The following PACS1 variants were observed in gnomAD, a reference collection of about 807,000 sequenced individuals.
PACS1 encodes phosphofurin acidic cluster sorting protein 1, also known as PACS-1.
A neutral mutation model predicts 115.0 loss-of-function variants in PACS1; 24 were observed. That is an observed-to-expected ratio of 0.21 (90% CI 0.15 to 0.29). The LOEUF (loss-of-function observed/expected upper bound fraction) is 0.29. Ranked by LOEUF, PACS1 falls within the 10% of genes least tolerant of loss-of-function variation. The probability of loss-of-function intolerance (pLI) is 1.00; values close to 1 mark genes in which losing one functional copy is unlikely to be tolerated. For synonymous variants in PACS1, 453 were observed against 504.5 expected, an observed-to-expected ratio of 0.90 and a Z score of 1.37; for missense variants, 838 against 1,251.2, an observed-to-expected ratio of 0.67 and a Z score of 4.98.
intron 1 of PACS1, among the ~76,000 whole-genome samples, chr11:66,137,279 T>C (rs2134587993): frequency 6.6e-6 from 1 of 152,264 alleles, no homozygotes; most frequent in African/African-American, 2.4e-5. Flanking sequence ...TGTGTGTGTG[T>C]ACTTAAATCT....
intron 21 of PACS1, among the ~76,000 whole-genome samples, chr11:66,239,880 G>A (rs776506776): frequency 6.6e-6 from 1 of 152,202 alleles, no homozygotes; most frequent in African/African-American, 2.4e-5. Context: ...TAAGAACGTG[G>A]AAACCAGGCC....
chr11:66,189,812 G>A (rs1020513565), intron 1 of PACS1, among the ~76,000 whole-genome samples: 10 of 152,174 alleles, frequency 6.6e-5, no homozygotes, highest in African/African-American at 1.2e-4. Context: ...TTCATGATTA[G>A]CAGTCTGCAA....
intron 4 of PACS1, among the ~76,000 whole-genome samples, chr11:66,213,263 A>G (rs1194743405): frequency 2.6e-5 from 4 of 152,194 alleles, no homozygotes; most frequent in Middle Eastern, 3.2e-3. Context: ...ATCTGCTACT[A>G]TCATTTTTTT....
chr11:66,158,921 A>G (rs755145310), intron 1 of PACS1, among the ~76,000 whole-genome samples: 2 of 152,212 alleles, frequency 1.3e-5, no homozygotes, highest in African/African-American at 2.4e-5. Flanking sequence ...AACAGAGTAC[A>G]TTGTCATGAA....
At position 66,070,409 on chromosome 11, in the gene PACS1, C is replaced by G. The variant is rs1267639515; in HGVS notation, c.-78C>G. 37 of 786,514 alleles carry G rather than the reference C, an allele frequency of 4.7e-5. No homozygotes were observed. The highest frequency in any genetic ancestry group is 5.8e-5 in the Non-Finnish European group (35 of 601,690). 48.7% of individuals were successfully genotyped at this position (786,514 alleles called of 1,614,324 possible). On this transcript the variant is annotated 5_prime_UTR_variant, in exon 1 of 24. Coordinates refer to ENST00000320580, the MANE Select transcript of PACS1 (RefSeq NM_018026.4). The surrounding 1 kb of genome is among the most constrained non-coding windows in gnomAD (Gnocchi z 5.9). ...CGGGCTGAGGAGGCTGCCGCGCCCC[C>G]GCCGCCGCCGCCGCGGGGGAAGCCT...
Position 66,242,010 on chromosome 11 carries a change from C to T in PACS1, c.2656+357C>T, listed in dbSNP as rs577474609. Among the ~76,000 whole-genome samples, 104 of 152,340 alleles carry T rather than the reference C, an allele frequency of 6.8e-4. 2 individuals carry two copies. In the South Asian group the frequency reaches 0.018, roughly 26 times the overall value. On this transcript the variant is annotated intron_variant, in intron 22 of 23. Coordinates refer to ENST00000320580, the MANE Select transcript of PACS1 (RefSeq NM_018026.4). ...ATATCACAGCTCCAGGTCCCTGTGA[C>T]GCAGGAGTAGAGAACTTGCACCCAG... is the stretch of plus-strand genomic sequence containing the variant.
chr11:66,146,328 G>T (rs1349030501), intron 1 of PACS1, among the ~76,000 whole-genome samples: 1 of 152,164 alleles, frequency 6.6e-6, no homozygotes, highest in Non-Finnish European at 1.5e-5. Flanking sequence ...AATGTATGAT[G>T]ACAGTGACTC....
At chr11:66,165,781 G>A (rs991330315) in intron 1 of PACS1, among the ~76,000 whole-genome samples, 1 of 152,232 alleles carries the variant, frequency 6.6e-6, no homozygotes, top group East Asian at 1.9e-4. Flanking sequence ...ATCTCACTAT[G>A]TTGCCCAGGC....
At chr11:66,130,135 A>G (rs964942739) in intron 1 of PACS1, among the ~76,000 whole-genome samples, 2 of 152,168 alleles carry the variant, frequency 1.3e-5, no homozygotes, top group African/African-American at 4.8e-5. Flanking sequence ...CCTGCCCTTA[A>G]GGATGTAACT....
At chr11:66,202,276 T>C (rs1281509326) in intron 2 of PACS1, among the ~76,000 whole-genome samples, 1 of 152,168 alleles carries the variant, frequency 6.6e-6, no homozygotes, top group Non-Finnish European at 1.5e-5. Context: ...CAGGCCTTGA[T>C]AGCTTCACTA....
rs11227399 is a variant in PACS1 at position 66,078,166 on chromosome 11, C to T, written c.356+7324C>T. ...CTGGGCTCCCTTCATCCTTTCAACA[C>T]TTTCAGTACTTTTAGTTTTGTAAAT... On this transcript the variant is annotated intron_variant, in intron 1 of 23. Transcript: ENST00000320580. Among the ~76,000 whole-genome samples the T allele has an allele frequency of 9.0e-3, 1,370 of 152,304 alleles. 19 individuals are homozygous for T. The highest frequency in any genetic ancestry group is 0.031 in the African/African-American group (1,284 of 41,570).
chr11:66,177,363 G>A (rs1185357022), intron 1 of PACS1, among the ~76,000 whole-genome samples: 1 of 151,986 alleles, frequency 6.6e-6, no homozygotes, highest in Non-Finnish European at 1.5e-5. Flanking sequence ...GGCTAATTTT[G>A]TATTTTTAGT....
At chr11:66,127,151 C>T (rs185817109) in intron 1 of PACS1, among the ~76,000 whole-genome samples, 1 of 152,332 alleles carries the variant, frequency 6.6e-6, no homozygotes, top group Admixed American at 6.5e-5. Context: ...GGAAGGCCCT[C>T]TGGTTCCTGT....
Position 66,070,401 on chromosome 11 carries a change from C to A in PACS1, c.-86C>A. 1.2e-6 allele frequency: 1 copy of A among 821,914 alleles called. No individual in the cohort carries two copies. Among genetic ancestry groups the A allele is most frequent in the Non-Finnish European group, 1.6e-6 (1 of 627,914 alleles). 50.9% of individuals were successfully genotyped at this position (821,914 alleles called of 1,614,324 possible). Reference sequence around the variant, plus strand: ...CGGGCAGGCGGGCTGAGGAGGCTGCCGCGCCCCCGCCGCCGCCGCCGCGGG... The same window carrying A: ...CGGGCAGGCGGGCTGAGGAGGCTGCAGCGCCCCCGCCGCCGCCGCCGCGGG... On this transcript the variant is annotated 5_prime_UTR_variant, in exon 1 of 24. Transcript: ENST00000320580. This position sits in a 1 kb window ranked among gnomAD's most constrained non-coding sequence, Gnocchi z 5.9.
At chr11:66,112,140 G>T (rs1360483233) in intron 1 of PACS1, among the ~76,000 whole-genome samples, 1 of 152,178 alleles carries the variant, frequency 6.6e-6, no homozygotes, top group African/African-American at 2.4e-5. Flanking sequence ...CGGCAGAGTG[G>T]TCTCTTTGAA....
At chr11:66,196,733 G>A (rs1012893075) in intron 2 of PACS1, among the ~76,000 whole-genome samples, 7 of 152,150 alleles carry the variant, frequency 4.6e-5, no homozygotes, top group Admixed American at 1.3e-4. Context: ...GAGTAGCTGG[G>A]ACTACAGGCA....
At position 66,171,102 on chromosome 11, in the gene PACS1, G is replaced by A. The variant is rs533326528; in HGVS notation, c.357-22384G>A. On this transcript the variant is annotated intron_variant, in intron 1 of 23. Coordinates refer to ENST00000320580, the MANE Select transcript of PACS1 (RefSeq NM_018026.4). ...TGTTTAATTATCAATTACTAAGAGA[G>A]GTATGTTAAAATATGCCCCTCTGAT... is the stretch of plus-strand genomic sequence containing the variant. Among the ~76,000 whole-genome samples the A allele has an allele frequency of 3.5e-4, 52 of 150,312 alleles. 3 individuals are homozygous for A. Among genetic ancestry groups the A allele is most frequent in the African/African-American group, 1.2e-3 (48 of 39,784 alleles).
Position 66,193,583 on chromosome 11 carries a change from G to A in PACS1, c.444+10G>A, listed in dbSNP as rs376801228. ...CGCTGTGAAGCTGCAGGTGAGTGGGGCAGGACTGTTTGTTCAGGGCCCAGG... is the reference window on the plus strand; with the variant it reads ...CGCTGTGAAGCTGCAGGTGAGTGGGACAGGACTGTTTGTTCAGGGCCCAGG... On this transcript the variant is annotated intron_variant, in intron 2 of 23. Coordinates refer to ENST00000320580, the MANE Select transcript of PACS1 (RefSeq NM_018026.4). The A allele has an allele frequency of 1.9e-6, 3 of 1,602,166 alleles. No individual in the cohort carries two copies. The highest frequency in any genetic ancestry group is 3.3e-5 in the Admixed American group (2 of 59,942).
intron 1 of PACS1, among the ~76,000 whole-genome samples, chr11:66,073,610 G>T (rs1857347864): frequency 6.6e-6 from 1 of 152,114 alleles, no homozygotes; most frequent in South Asian, 2.1e-4. Context: ...TTGTTCTTCA[G>T]GTAGGTGTCT....
Sources: allele counts gnomAD v4.1 joint callset (sites outside exome capture counted in the v4.1 genomes callset), GRCh38; gene constraint gnomAD v4.1.1; non-coding constraint Gnocchi (gnomAD v3.1); transcripts MANE v1.5; gene names NCBI Gene and HGNC (gene_info 2026-07-23, HGNC 2026-07-21).